Variants in NAALADL2 observed in about 807,000 individuals in gnomAD.
NAALADL2 encodes inactive N-acetylated-alpha-linked acidic dipeptidase-like protein 2.
A neutral mutation model predicts 87.2 loss-of-function variants in NAALADL2; 76 were observed. That is an observed-to-expected ratio of 0.87 (90% CI 0.72 to 1.05). The LOEUF (loss-of-function observed/expected upper bound fraction) is 1.05. Ranked by LOEUF, NAALADL2 falls within the 50% of genes least tolerant of loss-of-function variation. The pLI, the probability that NAALADL2 is intolerant of heterozygous loss-of-function variation, is 0.00. For missense variants in NAALADL2, 1,089 were observed against 945.8 expected, an observed-to-expected ratio of 1.15 and a Z score of -1.99; for synonymous variants, 354 against 331.0, an observed-to-expected ratio of 1.07 and a Z score of -0.75.
At chr3:175,428,763 C>G (rs1034744168) in intron 5 of NAALADL2, among the ~76,000 whole-genome samples, 1 of 152,064 alleles carries the variant, frequency 6.6e-6, no homozygotes, top group Non-Finnish European at 1.5e-5. Flanking sequence ...TTTAAAGCTT[C>G]CAATCCATTC....
chr3:175,033,734 C>G (rs1012455609), intron 1 of NAALADL2, among the ~76,000 whole-genome samples: 1 of 152,108 alleles, frequency 6.6e-6, no homozygotes, highest in East Asian at 1.9e-4. Flanking sequence ...ATATCACAAG[C>G]TCAATGCTTG....
At chr3:175,798,257 A>G (rs955830011) in intron 13 of NAALADL2, among the ~76,000 whole-genome samples, 1 of 152,060 alleles carries the variant, frequency 6.6e-6, no homozygotes, top group African/African-American at 2.4e-5. Flanking sequence ...AATAAAGATC[A>G]TCTAACTTAA....
chr3:175,369,175 T>G (rs1549112), intron 5 of NAALADL2, among the ~76,000 whole-genome samples: 3 of 152,012 alleles, frequency 2.0e-5, no homozygotes, highest in Non-Finnish European at 4.4e-5. Flanking sequence ...TGTATGTGAT[T>G]TGTTCTTGAG....
At chr3:175,482,388 A>G (rs1446971442) in intron 9 of NAALADL2, among the ~76,000 whole-genome samples, 1 of 112,922 alleles carries the variant, frequency 8.9e-6, no homozygotes, top group African/African-American at 2.6e-5. Flanking sequence ...GCAGATGTAG[A>G]GATTATTTCA....
rs560024264 is a variant in NAALADL2, at chr3:174,851,208, C to A, written c.-9+113462C>A. Among the ~76,000 whole-genome samples, 24 of 151,896 alleles carry A rather than the reference C, an allele frequency of 1.6e-4. No individual in the cohort carries two copies. The East Asian group carries it at 4.6e-3, about 29-fold the overall frequency. On this transcript the variant is annotated intron_variant, in intron 3 of 3. Transcript: ENST00000434257. ...GATTCATCTTAAAGAAGTAGAAATG[C>A]AAGGGCAACCAAACTCAATCTTAGT...
intron 2 of NAALADL2, among the ~76,000 whole-genome samples, chr3:175,109,121 T>C (rs73176742): frequency 0.46 from 69,424 of 151,676 alleles, 16,042 homozygotes; most frequent in East Asian, 0.53. Context: ...TAAAATCGCA[T>C]ACAAACATAA....
intron 1 of NAALADL2, among the ~76,000 whole-genome samples, chr3:174,959,929 C>A (rs536838908): frequency 1.3e-5 from 2 of 151,966 alleles, no homozygotes; most frequent in Non-Finnish European, 2.9e-5. Flanking sequence ...ATGAAAGTAT[C>A]GAATTCTTAA....
chr3:175,065,435 G>A (rs1222198620), intron 1 of NAALADL2, among the ~76,000 whole-genome samples: 1 of 152,156 alleles, frequency 6.6e-6, no homozygotes, highest in Non-Finnish European at 1.5e-5. Flanking sequence ...TTTGCAAGGG[G>A]ATAGTCTTTA....
At chr3:174,498,637 A>T (rs570336928) in intron 1 of NAALADL2, among the ~76,000 whole-genome samples, 2,418 of 150,148 alleles carry the variant, frequency 0.016, 64 homozygotes, top group African/African-American at 0.056. Flanking sequence ...TATATATATA[A>T]TATATATGTT....
At chr3:174,744,533 A>G (rs1255260674) in intron 3 of NAALADL2, among the ~76,000 whole-genome samples, 1 of 152,124 alleles carries the variant, frequency 6.6e-6, no homozygotes, top group Non-Finnish European at 1.5e-5. Flanking sequence ...AATATTAGGC[A>G]GATCATTGAG....
At chr3:175,538,297 C>T (rs1711632419) in intron 9 of NAALADL2, among the ~76,000 whole-genome samples, 1 of 151,712 alleles carries the variant, frequency 6.6e-6, no homozygotes, top group Non-Finnish European at 1.5e-5. Context: ...TATAATATTA[C>T]ACCAATTATT....
intron 12 of NAALADL2, among the ~76,000 whole-genome samples, chr3:175,738,628 G>A (rs543310018): frequency 2.0e-5 from 3 of 151,984 alleles, no homozygotes; most frequent in Admixed American, 1.3e-4. Flanking sequence ...TACTTCTTAT[G>A]ATTTTATTAT....
chr3:175,143,782 T>C (rs1233711731), intron 2 of NAALADL2, among the ~76,000 whole-genome samples: 1 of 151,950 alleles, frequency 6.6e-6, no homozygotes, highest in Non-Finnish European at 1.5e-5. Flanking sequence ...TTTTCTTTAA[T>C]GATGTGGAAG....
chr3:174,478,053 T>C (rs541325997), intron 1 of NAALADL2, among the ~76,000 whole-genome samples: 2 of 152,292 alleles, frequency 1.3e-5, no homozygotes, highest in African/African-American at 4.8e-5. Context: ...TGTTGGTTTT[T>C]TAAGGTAACA....
At chr3:175,054,800 T>G (rs1340617900) in intron 1 of NAALADL2, among the ~76,000 whole-genome samples, 3 of 152,204 alleles carry the variant, frequency 2.0e-5, no homozygotes, top group African/African-American at 7.2e-5. Flanking sequence ...CCCCATTTCA[T>G]GCATCATATG....
chr3:174,619,925 T>G (rs1174318652), intron 2 of NAALADL2, among the ~76,000 whole-genome samples: 1 of 152,028 alleles, frequency 6.6e-6, no homozygotes, highest in Non-Finnish European at 1.5e-5. Context: ...ATTACATGCA[T>G]TTTTCATTTA....
chr3:174,909,262 C>G (rs962077860), intron 1 of NAALADL2, among the ~76,000 whole-genome samples: 1 of 151,898 alleles, frequency 6.6e-6, no homozygotes, highest in South Asian at 2.1e-4. Flanking sequence ...GGCATGGTGA[C>G]GGGTGCCTGT....
intron 2 of NAALADL2, among the ~76,000 whole-genome samples, chr3:174,642,504 G>A (rs1723306241): frequency 2.3e-5 from 2 of 88,046 alleles, no homozygotes; most frequent in Admixed American, 2.7e-4. Context: ...CAGTCTCTGG[G>A]GATAAAAAAA....
intron 11 of NAALADL2, chr3:175,675,479 A>G (rs899926442): frequency 7.9e-5 from 12 of 152,230 alleles, no homozygotes; most frequent in African/African-American, 2.9e-4. Flanking sequence ...TGGCTTCATA[A>G]AACAGAGATA....
Sources: allele counts gnomAD v4.1 joint callset (sites outside exome capture counted in the v4.1 genomes callset), GRCh38; gene constraint gnomAD v4.1.1; transcripts MANE v1.5; gene names NCBI Gene and HGNC (gene_info 2026-07-23, HGNC 2026-07-21).